BRD10: variants seen among roughly 807,000 people sequenced by gnomAD.
The protein encoded by BRD10 is uncharacterized bromodomain-containing protein 10.
the BRD10 span, chr9:5,906,747 T>C: frequency 1.9e-6 from 1 of 535,414 alleles, no homozygotes; most frequent in African/African-American, 2.0e-5. Flanking sequence ...GGTAAAGTGA[T>C]GAGACTGAAG....
the BRD10 span, among the ~76,000 whole-genome samples, chr9:5,880,452 T>G: frequency 1.4e-5 from 2 of 140,426 alleles, no homozygotes; most frequent in Admixed American, 1.4e-4. Context: ...AGACGGAGGT[T>G]GCAGTGAGCT....
chr9:5,965,233 C>T, the BRD10 span, among the ~76,000 whole-genome samples: 1 of 151,586 alleles, frequency 6.6e-6, no homozygotes, highest in East Asian at 1.9e-4. Flanking sequence ...TCATGAATGA[C>T]ACAGCTCATC....
chr9:5,945,131 AT>A, the BRD10 span, among the ~76,000 whole-genome samples: 1 of 152,150 alleles, frequency 6.6e-6, no homozygotes, highest in African/African-American at 2.4e-5. Context: ...ACTTGCTATG[AT>A]GTATGAACTT....
chr9:5,879,382 AAG>A, the BRD10 span, among the ~76,000 whole-genome samples: 1 of 152,126 alleles, frequency 6.6e-6, no homozygotes, highest in Non-Finnish European at 1.5e-5. Flanking sequence ...TCAAAAAAAA[AAG>A]AGAGAAAGAA....
At chr9:5,892,925 A>G in the BRD10 span, among the ~76,000 whole-genome samples, 6 of 152,296 alleles carry the variant, frequency 3.9e-5, no homozygotes, top group East Asian at 1.2e-3. Flanking sequence ...TTGCAGACAG[A>G]ATAAAAGTGA....
At chr9:5,945,965 G>A in the BRD10 span, among the ~76,000 whole-genome samples, 4 of 151,892 alleles carry the variant, frequency 2.6e-5, no homozygotes, top group Admixed American at 6.6e-5. Flanking sequence ...CCCCAAGTTC[G>A]ATACATTCAT....
the BRD10 span, chr9:5,908,789 T>C: frequency 7.3e-7 from 1 of 1,366,270 alleles, no homozygotes; most frequent in South Asian, 1.2e-5. Flanking sequence ...TCTAATGTTC[T>C]CCTTTGGAAT....
chr9:5,941,864 T>A, the BRD10 span, among the ~76,000 whole-genome samples: 1 of 152,126 alleles, frequency 6.6e-6, no homozygotes, highest in Non-Finnish European at 1.5e-5. Flanking sequence ...CTTTTCTACT[T>A]TGGTAGGAAA....
the BRD10 span, among the ~76,000 whole-genome samples, chr9:5,886,575 G>C: frequency 6.6e-6 from 1 of 152,224 alleles, no homozygotes; most frequent in African/African-American, 2.4e-5. Flanking sequence ...AAGAGATGAA[G>C]TGCAAGTGGT....
the BRD10 span, among the ~76,000 whole-genome samples, chr9:5,949,069 T>C: frequency 6.6e-6 from 1 of 152,248 alleles, no homozygotes; most frequent in East Asian, 1.9e-4. Flanking sequence ...AAGGGAGAAC[T>C]ATATTAATTT....
At chr9:6,007,754 G>C in the BRD10 span, 6 of 1,582,792 alleles carry the variant, frequency 3.8e-6, no homozygotes, top group East Asian at 2.3e-5. Flanking sequence ...TCCCCAGCCG[G>C]CTCCATCGCT....
chr9:5,991,952 T>C, the BRD10 span, among the ~76,000 whole-genome samples: 6 of 152,300 alleles, frequency 3.9e-5, no homozygotes, highest in African/African-American at 7.2e-5. Flanking sequence ...CACAACTGTT[T>C]CCATGCATCT....
the BRD10 span, among the ~76,000 whole-genome samples, chr9:5,880,818 C>G: frequency 1.3e-5 from 2 of 151,914 alleles, no homozygotes; most frequent in African/African-American, 2.4e-5. Flanking sequence ...AATTCTCCTG[C>G]GTCAGCCTCC....
the BRD10 span, among the ~76,000 whole-genome samples, chr9:5,954,495 C>T: frequency 4.0e-4 from 61 of 152,322 alleles, no homozygotes; most frequent in African/African-American, 1.4e-3. Flanking sequence ...TGCATAAGAA[C>T]TACAGCTGAA....
the BRD10 span, chr9:5,988,491 C>T: frequency 6.2e-7 from 1 of 1,613,910 alleles, no homozygotes; most frequent in East Asian, 2.2e-5. Context: ...TCTCATCCTC[C>T]AATCCATAAT....
the BRD10 span, chr9:5,922,846 T>A: frequency 6.2e-7 from 1 of 1,614,032 alleles, no homozygotes; most frequent in South Asian, 1.1e-5. Context: ...AGGTCAATGC[T>A]GGCTTTATCG....
the BRD10 span, chr9:5,933,972 T>G: frequency 2.7e-6 from 1 of 375,284 alleles, no homozygotes; most frequent in Non-Finnish European, 5.5e-6. Context: ...TTTAGATACT[T>G]TGTACATTAA....
the BRD10 span, among the ~76,000 whole-genome samples, chr9:5,986,668 A>T: frequency 6.6e-6 from 1 of 152,248 alleles, no homozygotes; most frequent in Non-Finnish European, 1.5e-5. Context: ...TTTATAATTT[A>T]AAACGTTAAC....
At chr9:5,934,928 A>G in the BRD10 span, among the ~76,000 whole-genome samples, 2 of 152,206 alleles carry the variant, frequency 1.3e-5, no homozygotes, top group African/African-American at 4.8e-5. Context: ...TATTACATGA[A>G]AAGGTAATAC....
Sources: gnomAD v4.1 joint callset for allele counts (sites outside exome capture counted in the v4.1 genomes callset) on GRCh38, gnomAD v4.1.1 for gene constraint, MANE v1.5 for transcripts, NCBI Gene and HGNC (gene_info 2026-07-23, HGNC 2026-07-21) for gene names.